ZNF516: variants seen among roughly 807,000 people sequenced by gnomAD.
ZNF516 encodes the protein zinc finger protein 516.
In ZNF516, 19 loss-of-function variants were observed where a neutral mutation model predicts 79.7. The observed-to-expected ratio is 0.24, with a 90% confidence interval of 0.17 to 0.35. ZNF516 has a LOEUF of 0.35. Among genes scored for constraint, ZNF516 ranks in the 10% least tolerant of loss-of-function variants. ZNF516 has a pLI of 1.00. For missense variants in ZNF516, 1,678 were observed against 1,679.5 expected (o/e 1.00, Z 0.02); for synonymous variants, 877 against 739.5 (o/e 1.19, Z -3.02).
chr18:76,480,498 C>CAT (rs1568327407), intron 1 of ZNF516, among the ~76,000 whole-genome samples: 4 of 70,888 alleles, frequency 5.6e-5, no homozygotes, highest in Non-Finnish European at 1.0e-4. Context: ...TACACATACA[C>CAT]ACACACACAC....
At chr18:76,490,074 T>C in intron 1 of ZNF516, 9 of 689,034 alleles carry the variant, frequency 1.3e-5, no homozygotes, top group Non-Finnish European at 1.6e-5. Flanking sequence ...AGAAAAACAT[T>C]AGACATGCTT....
At chr18:76,407,012 G>A (rs758136688) in intron 3 of ZNF516, among the ~76,000 whole-genome samples, 51 of 152,264 alleles carry the variant, frequency 3.3e-4, no homozygotes, top group Non-Finnish European at 6.0e-4. Context: ...GTGAGACCTC[G>A]CCCAGACAGA....
intron 4 of ZNF516, among the ~76,000 whole-genome samples, chr18:76,377,227 G>A (rs2074801543): frequency 6.6e-6 from 1 of 152,262 alleles, no homozygotes. Context: ...GAGGATCTAA[G>A]ACCACGCCTC....
In ZNF516 at chr18:76,371,583, A is replaced by AGGT. The variant is rs750226144; in HGVS notation, c.3260-15_3260-13dup. 35 of 1,605,770 alleles carry AGGT rather than the reference A, an allele frequency of 2.2e-5. No homozygotes were observed. The highest frequency in any genetic ancestry group is 2.9e-5 in the Non-Finnish European group (34 of 1,178,430). ...CGTCCGGAGTGTCCCTGCGGTGGCG[A>AGGT]GGTGGTGGTGGTGGCAGGGCCGTGG... is the stretch of plus-strand genomic sequence containing the variant. On this transcript the variant is annotated splice_polypyrimidine_tract_variant and intron_variant, in intron 4 of 6. Coordinates refer to ENST00000443185, the MANE Select transcript of ZNF516 (RefSeq NM_014643.4).
intron 3 of ZNF516, among the ~76,000 whole-genome samples, chr18:76,396,430 T>C (rs1250816252): frequency 6.6e-6 from 1 of 152,182 alleles, no homozygotes; most frequent in East Asian, 1.9e-4. Flanking sequence ...GCATTCAAAA[T>C]CATTTCAAGA....
At chr18:76,453,501 G>A (rs942675249) in intron 2 of ZNF516, among the ~76,000 whole-genome samples, 4 of 152,196 alleles carry the variant, frequency 2.6e-5, no homozygotes, top group African/African-American at 4.8e-5. Flanking sequence ...CTAAAGTTGC[G>A]CATAACTCAG....
intron 3 of ZNF516, among the ~76,000 whole-genome samples, chr18:76,433,212 C>G (rs2075684975): frequency 6.6e-6 from 1 of 152,214 alleles, no homozygotes; most frequent in South Asian, 2.1e-4. Flanking sequence ...GTAAAAAGCA[C>G]CACTGACCGC....
chr18:76,463,697 C>G (rs1006374643), intron 1 of ZNF516, among the ~76,000 whole-genome samples: 2 of 152,230 alleles, frequency 1.3e-5, no homozygotes, highest in Non-Finnish European at 2.9e-5. Context: ...GACCGCAACG[C>G]AGACGTGCCC....
intron 1 of ZNF516, among the ~76,000 whole-genome samples, chr18:76,470,957 A>AT (rs1913798534): frequency 6.6e-6 from 1 of 152,198 alleles, no homozygotes; most frequent in Admixed American, 6.5e-5. Flanking sequence ...CAAAAACCTG[A>AT]TTTTTTAAAT....
intron 1 of ZNF516, among the ~76,000 whole-genome samples, chr18:76,491,417 G>GCCCGCC (rs1156821344): frequency 5.4e-5 from 4 of 73,442 alleles, no homozygotes; most frequent in Non-Finnish European, 1.1e-4. Context: ...CGCCCGCCCC[G>GCCCGCC]CCCGCCCCCG....
intron 3 of ZNF516, among the ~76,000 whole-genome samples, chr18:76,404,855 G>C (rs1217101265): frequency 1.3e-5 from 2 of 152,226 alleles, no homozygotes; most frequent in Non-Finnish European, 2.9e-5. Flanking sequence ...GTGTGCATGT[G>C]TGAGCATCTG....
intron 3 of ZNF516, among the ~76,000 whole-genome samples, chr18:76,435,184 G>A (rs899661954): frequency 5.9e-5 from 9 of 152,020 alleles, no homozygotes; most frequent in African/African-American, 2.2e-4. Context: ...AAACCAAAAT[G>A]TCTGCCTGAT....
chr18:76,423,214 GTTT>G (rs1371329161), intron 3 of ZNF516, among the ~76,000 whole-genome samples: 1 of 152,226 alleles, frequency 6.6e-6, no homozygotes, highest in Non-Finnish European at 1.5e-5. Context: ...ACAGCCACAA[GTTT>G]TACAAGCTAG....
chr18:76,474,357 T>C (rs1914056879), intron 1 of ZNF516, among the ~76,000 whole-genome samples: 1 of 152,138 alleles, frequency 6.6e-6, no homozygotes, highest in African/African-American at 2.4e-5. Flanking sequence ...GTTCCATAAA[T>C]TCAAAACAGT....
intron 1 of ZNF516, among the ~76,000 whole-genome samples, chr18:76,486,924 C>A (rs1173499581): frequency 6.6e-6 from 1 of 152,070 alleles, no homozygotes; most frequent in African/African-American, 2.4e-5. Context: ...AGAATTAACA[C>A]AGAGTTAAAA....
Position 76,406,136 on chromosome 18 carries a change from G to A in ZNF516, c.1811-25833C>T, listed in dbSNP as rs965614130. 4.6e-5 allele frequency among the ~76,000 whole-genome samples: 7 copies of A among 152,290 alleles called. No individual in the cohort carries two copies. In the East Asian group the frequency reaches 1.2e-3, roughly 25 times the overall value. ...CTGCAGCCCCTCCTCCGGAGGCACC[G>A]CCCGGCCTGCAACTCGCCCGCGCTG... On this transcript the variant is annotated intron_variant, in intron 3 of 6. Coordinates refer to ENST00000443185, the MANE Select transcript of ZNF516 (RefSeq NM_014643.4).
chr18:76,446,837 C>T (rs1912081321), intron 2 of ZNF516, among the ~76,000 whole-genome samples: 1 of 152,156 alleles, frequency 6.6e-6, no homozygotes. Flanking sequence ...GAGAACTGCA[C>T]AGGATGTGTT....
intron 2 of ZNF516, among the ~76,000 whole-genome samples, chr18:76,456,439 T>C (rs1912730123): frequency 6.6e-6 from 1 of 152,248 alleles, no homozygotes; most frequent in African/African-American, 2.4e-5. Flanking sequence ...TTAAGTCACA[T>C]AAACTAGTGT....
chr18:76,491,141 A>G (rs1195390061), intron 1 of ZNF516: 2 of 973,068 alleles, frequency 2.1e-6, no homozygotes, highest in Non-Finnish European at 2.4e-6. Context: ...GTGAAGTTTA[A>G]AATAGAAACC....
Sources: gnomAD v4.1 joint callset for allele counts (sites outside exome capture counted in the v4.1 genomes callset) on GRCh38, gnomAD v4.1.1 for gene constraint, MANE v1.5 for transcripts, NCBI Gene and HGNC (gene_info 2026-07-23, HGNC 2026-07-21) for gene names.